Variants in SFMBT2 observed in about 807,000 individuals in gnomAD.
SFMBT2 encodes the protein Scm like with four mbt domains 2, also known as scm-like with four MBT domains protein 2.
Under a neutral mutation model 110.1 loss-of-function variants are expected in SFMBT2, and 38 were observed. The ratio of observed to expected loss-of-function variants is 0.35; its 90% CI spans 0.27 to 0.45. The LOEUF (loss-of-function observed/expected upper bound fraction) is 0.45. Ranked by LOEUF, SFMBT2 falls within the 20% of genes least tolerant of loss-of-function variation. SFMBT2 has a pLI of 1.00. For missense variants in SFMBT2, 1,011 were observed against 1,094.9 expected (o/e 0.92, Z 1.08); for synonymous variants, 425 against 425.4 (o/e 1.00, Z 0.01).
In SFMBT2 at chr10:7,163,873, G is replaced by A. The variant is rs759241379; in HGVS notation, c.2582C>T (p.Pro861Leu). The change falls in exon 21 of 21, where the codon CCG becomes CTG. Residue 861 changes from proline to leucine, a missense_variant. This residue lies in a region of SFMBT2 where 32 missense variants were observed against 78.8 expected (regional missense o/e 0.41). Coordinates refer to ENST00000397167, the MANE Select transcript of SFMBT2 (RefSeq NM_001387889.1). This position sits in a 1 kb window ranked among gnomAD's most constrained non-coding sequence, Gnocchi z 4.8. ...DGQALLLLTL[P>L]TVQECMELKL... The stretch of plus-strand genomic sequence containing the variant: ...CAGCTCCATGCACTCCTGCACCGTC[G>A]GAAGGGTCAGAAGCAGGAGTGCTTG... The A allele has an allele frequency of 2.5e-6, 4 of 1,614,052 alleles. No individual in the cohort carries two copies. The highest frequency in any genetic ancestry group is 3.4e-6 in the Non-Finnish European group (4 of 1,180,010).
At chr10:7,249,062 G>C in intron 7 of SFMBT2, 13 of 972,464 alleles carry the variant, frequency 1.3e-5, no homozygotes, top group Non-Finnish European at 1.6e-5. Flanking sequence ...TTGTACCCAA[G>C]GTCTGCCACC....
intron 4 of SFMBT2, among the ~76,000 whole-genome samples, chr10:7,341,591 G>A (rs1028509003): frequency 6.6e-6 from 1 of 151,992 alleles, no homozygotes; most frequent in African/African-American, 2.4e-5. Context: ...TCCATTTTTG[G>A]CTCCACGTTG....
At chr10:7,329,979 T>A (rs1279633612) in intron 4 of SFMBT2, among the ~76,000 whole-genome samples, 1 of 152,150 alleles carries the variant, frequency 6.6e-6, no homozygotes, top group Non-Finnish European at 1.5e-5. Context: ...CAGATTTTAA[T>A]ACCATGGTTA....
At chr10:7,284,217 C>G in intron 5 of SFMBT2, 67 bp from the exon 6 acceptor site, 1 of 1,564,684 alleles carries the variant, frequency 6.4e-7, no homozygotes, top group Non-Finnish European at 8.6e-7. Flanking sequence ...AAACAGATGA[C>G]AGCAGAAGAT....
At chr10:7,356,553 C>A (rs563306106) in intron 4 of SFMBT2, among the ~76,000 whole-genome samples, 1 of 152,314 alleles carries the variant, frequency 6.6e-6, no homozygotes, top group South Asian at 2.1e-4. Flanking sequence ...GTAGGGATTA[C>A]AGGCATGTGC....
At chr10:7,184,736 C>T (rs1258282104) in intron 16 of SFMBT2, among the ~76,000 whole-genome samples, 2 of 152,092 alleles carry the variant, frequency 1.3e-5, no homozygotes, top group Non-Finnish European at 2.9e-5. Context: ...TAACAAATCT[C>T]GTCAGGCAGG....
chr10:7,247,185 C>A (rs987633854), intron 8 of SFMBT2, among the ~76,000 whole-genome samples: 6 of 152,144 alleles, frequency 3.9e-5, no homozygotes, highest in African/African-American at 1.4e-4. Context: ...GGCAAGATCT[C>A]AGCTCACTAC....
Position 7,382,376 on chromosome 10 carries a change from C to A in SFMBT2, c.-51-427G>T, listed in dbSNP as rs145993988. On this transcript the variant is annotated intron_variant, in intron 1 of 20. Transcript: ENST00000397167. ...AGTGAGCTGAGATCACACCACTGCA[C>A]TCCAGCCTGTGAAACAGAGTGAGGC... 2.8e-3 allele frequency among the ~76,000 whole-genome samples: 422 copies of A among 152,154 alleles called. 2 individuals are homozygous for A. Among genetic ancestry groups the A allele is most frequent in the African/African-American group, 9.8e-3 (405 of 41,504 alleles).
At position 7,300,379 on chromosome 10, in the gene SFMBT2, T is replaced by C. The variant is rs367678323; in HGVS notation, c.437-14425A>G. ...TGAGTAACAAATATCCTAGGGAGTA[T>C]CTGCCACAGATGGATGACAGACTCC... On this transcript the variant is annotated intron_variant, in intron 4 of 20. Transcript: ENST00000397167. Among the ~76,000 whole-genome samples, 246 of 151,956 alleles carry C rather than the reference T, an allele frequency of 1.6e-3. 1 individual carries two copies. Among genetic ancestry groups the C allele is most frequent in the African/African-American group, 5.3e-3 (219 of 41,406 alleles).
At chr10:7,275,884 ATCT>A (rs1470795872) in intron 7 of SFMBT2, among the ~76,000 whole-genome samples, 7 of 152,262 alleles carry the variant, frequency 4.6e-5, no homozygotes, top group Admixed American at 1.3e-4. Flanking sequence ...CATTAAGTAC[ATCT>A]TCTACATGAA....
In SFMBT2 at chr10:7,408,192, G is replaced by A. The variant is rs2132137532; in HGVS notation, c.-52+2669C>T. Among the ~76,000 whole-genome samples the A allele has an allele frequency of 6.6e-6, 1 of 152,354 alleles. No individual in the cohort carries two copies. Among genetic ancestry groups the A allele is most frequent in the East Asian group, 1.9e-4 (1 of 5,174 alleles). ...TCGCAGCACAGAGCCATTTTAGGCT[G>A]CTCCCCACCTCGCGGGGCCCATGGG... is the stretch of plus-strand genomic sequence containing the variant. On this transcript the variant is annotated intron_variant, in intron 1 of 20. Coordinates refer to ENST00000397167, the MANE Select transcript of SFMBT2 (RefSeq NM_001387889.1). This position sits in a 1 kb window ranked among gnomAD's most constrained non-coding sequence, Gnocchi z 5.7.
chr10:7,359,463 C>A (rs1387178392), intron 4 of SFMBT2, among the ~76,000 whole-genome samples: 1 of 152,200 alleles, frequency 6.6e-6, no homozygotes, highest in East Asian at 1.9e-4. Flanking sequence ...CACACAGCAC[C>A]AACTCCCCCC....
chr10:7,350,384 A>T (rs1174413895), intron 4 of SFMBT2, among the ~76,000 whole-genome samples: 2 of 151,924 alleles, frequency 1.3e-5, no homozygotes, highest in African/African-American at 4.8e-5. Flanking sequence ...ATAGCAAAAG[A>T]TATCTGAACT....
chr10:7,243,560 T>C lies in SFMBT2; in HGVS notation c.1118A>G (p.Lys373Arg). The C allele has an allele frequency of 1.1e-6, 1 of 872,680 alleles. No individual in the cohort carries two copies. The highest frequency in any genetic ancestry group is 2.0e-6 in the Non-Finnish European group (1 of 501,616). 54.1% of individuals were successfully genotyped at this position (872,680 alleles called of 1,614,324 possible). The change falls in exon 9 of 21, where the codon AAA becomes AGA. Residue 373 changes from lysine (K) to arginine (R), a missense_variant and splice_region_variant. Lys to Arg is a conservative substitution (Grantham distance 26). Around this residue, in one of 2 missense-constraint regions of SFMBT2, gnomAD observed 979 missense variants for 1,016.1 expected, o/e 0.96. Coordinates refer to ENST00000397167, the MANE Select transcript of SFMBT2 (RefSeq NM_001387889.1). ...LKNGVSLTPP[K>R]GYSGQDFDWA... Reference sequence around the variant, plus strand: ...GCATACCTTCACAGAATACAAACCTTTGGGAGGAGTGAGGCTGACTCCATT... The same window carrying C: ...GCATACCTTCACAGAATACAAACCTCTGGGAGGAGTGAGGCTGACTCCATT...
At chr10:7,300,642 A>C (rs1316512934) in intron 4 of SFMBT2, among the ~76,000 whole-genome samples, 1 of 152,206 alleles carries the variant, frequency 6.6e-6, no homozygotes, top group Non-Finnish European at 1.5e-5. Flanking sequence ...CGCTTCTGAC[A>C]GCCCACTGCA....
At chr10:7,212,114 T>A (rs2131628215) in intron 11 of SFMBT2, among the ~76,000 whole-genome samples, 1 of 152,312 alleles carries the variant, frequency 6.6e-6, no homozygotes, top group South Asian at 2.1e-4. Flanking sequence ...GCACTAGGTC[T>A]GGGAGAAATG....
chr10:7,235,510 TCACACCACACACTA>T (rs1056387176), intron 9 of SFMBT2, among the ~76,000 whole-genome samples: 3 of 149,184 alleles, frequency 2.0e-5, no homozygotes, highest in African/African-American at 7.4e-5. Flanking sequence ...ACACACACAC[TCACACCACACACTA>T]CATACCACAC....
rs73615411 is a variant in SFMBT2 at position 7,216,456 on chromosome 10, C to T, written c.1330+3955G>A. ...CATGTAAGACGTGATTTTCAGCTTC[C>T]GCCATGATTGTGAGGCCTATCCAGC... On this transcript the variant is annotated intron_variant, in intron 11 of 20. Coordinates refer to ENST00000397167, the MANE Select transcript of SFMBT2 (RefSeq NM_001387889.1). 4.9e-3 allele frequency among the ~76,000 whole-genome samples: 747 copies of T among 152,284 alleles called. 5 individuals are homozygous for T. Among genetic ancestry groups the T allele is most frequent in the African/African-American group, 0.017 (711 of 41,556 alleles).
chr10:7,287,049 G>A (rs1003981628), intron 4 of SFMBT2, among the ~76,000 whole-genome samples: 5 of 146,480 alleles, frequency 3.4e-5, no homozygotes, highest in Non-Finnish European at 7.5e-5. Context: ...ACAGCCCTCT[G>A]AACAAGGAAG....
Sources: allele counts gnomAD v4.1 joint callset (sites outside exome capture counted in the v4.1 genomes callset), GRCh38; gene constraint gnomAD v4.1.1; regional missense constraint gnomAD v4.1.1; non-coding constraint Gnocchi (gnomAD v3.1); transcripts MANE v1.5; gene names NCBI Gene and HGNC (gene_info 2026-07-23, HGNC 2026-07-21).